SYNE2: variants seen among roughly 807,000 people sequenced by gnomAD.
SYNE2 encodes nesprin-2.
Under a neutral mutation model 856.3 loss-of-function variants are expected in SYNE2, and 431 were observed. That is an observed-to-expected ratio of 0.50 (90% CI 0.47 to 0.55). SYNE2 has a LOEUF of 0.55. SYNE2 is among the 20% of genes least tolerant of loss of function. The pLI is 0.00. For synonymous variants in SYNE2, 2,923 were observed against 2,872.3 expected (o/e 1.02, Z -0.56); for missense variants, 8,129 against 8,023.2 (o/e 1.01, Z -0.50).
chr14:63,861,042 C>T (rs1893465237), intron 1 of SYNE2, among the ~76,000 whole-genome samples: 1 of 152,032 alleles, frequency 6.6e-6, no homozygotes, highest in Non-Finnish European at 1.5e-5. Context: ...ATGCATGCTC[C>T]AGACTGTGAA....
chr14:63,798,797 T>A (rs1888018614), intron 1 of SYNE2, among the ~76,000 whole-genome samples: 2 of 152,128 alleles, frequency 1.3e-5, no homozygotes, highest in Admixed American at 1.3e-4. Flanking sequence ...AGAGGTATGA[T>A]TAGAGCAACA....
At chr14:63,892,314 C>T (rs2095151312) in intron 1 of SYNE2, among the ~76,000 whole-genome samples, 1 of 151,924 alleles carries the variant, frequency 6.6e-6, no homozygotes, top group South Asian at 2.1e-4. Context: ...CCATTTTGAC[C>T]ACAGCTCAGA....
In SYNE2 at chr14:64,104,508, G is replaced by C. The variant is rs184623945; in HGVS notation, c.12492+2466G>C. ...TCTGTCGCCCAGGCTGGAGTGCAGT[G>C]GTGCGATCTCAGCTCACTGCAACCT... On this transcript the variant is annotated intron_variant, in intron 64 of 115. Transcript: ENST00000555002. Among the ~76,000 whole-genome samples the C allele has an allele frequency of 1.4e-3, 210 of 146,946 alleles. 1 individual carries two copies. Among genetic ancestry groups the C allele is most frequent in the African/African-American group, 5.0e-3 (198 of 39,552 alleles).
chr14:64,039,940 A>G (rs937276849), intron 45 of SYNE2, among the ~76,000 whole-genome samples: 1 of 152,224 alleles, frequency 6.6e-6, no homozygotes, highest in Non-Finnish European at 1.5e-5. Context: ...GAGAAGGACT[A>G]TGAAGCTTCT....
In SYNE2 at chr14:63,987,128, G is replaced by A. The variant is rs185460231; in HGVS notation, c.2313+511G>A. ...ATTAGCTGGACGTGGTGGCGCGCACGCCTGTAGTCCCAGCTCCTCGGGAGG... is the reference window on the plus strand; with the variant it reads ...ATTAGCTGGACGTGGTGGCGCGCACACCTGTAGTCCCAGCTCCTCGGGAGG... On this transcript the variant is annotated intron_variant, in intron 19 of 115. Coordinates refer to ENST00000555002, the MANE Select transcript of SYNE2 (RefSeq NM_182914.3). Among the ~76,000 whole-genome samples the A allele has an allele frequency of 2.3e-3, 352 of 152,176 alleles. 6 individuals carry two copies. The highest frequency in any genetic ancestry group is 2.5e-3 in the Admixed American group (38 of 15,286).
chr14:64,207,168 G>T (rs1282047896), intron 100 of SYNE2, among the ~76,000 whole-genome samples: 1 of 152,222 alleles, frequency 6.6e-6, no homozygotes, highest in Non-Finnish European at 1.5e-5. Flanking sequence ...TTGTACTCGG[G>T]ATCAGTGTTA....
chr14:64,223,125 T>G, intron 112 of SYNE2, 64 bp from the exon 113 acceptor site: 1 of 1,588,862 alleles, frequency 6.3e-7, no homozygotes, highest in African/African-American at 1.3e-5. Flanking sequence ...GAGAAAAACC[T>G]CCTGTGTCCA....
In SYNE2 at chr14:64,101,935, G is replaced by A. The variant is rs761634219; in HGVS notation, c.12385G>A (p.Gly4129Arg). 1 of 1,611,722 alleles carries A rather than the reference G, an allele frequency of 6.2e-7. No homozygotes were observed. The highest frequency in any genetic ancestry group is 1.7e-5 in the Admixed American group (1 of 60,022). ...AACCAATCGTTTACTGTGATAGAAT[G>A]GAGATGAGAAGGCAGAGCCATCGCC... ...VEESSVKSDN[G>R]DEKAEPSPQS... The change falls in exon 64 of 116, where the codon GGA becomes AGA. Residue 4129 changes from glycine to arginine, a missense_variant. Gly to Arg is a moderately radical substitution (Grantham distance 125). This residue lies in a region of SYNE2 where 5,410 missense variants were observed against 5,284.8 expected (regional missense o/e 1.02). Coordinates refer to ENST00000555002, the MANE Select transcript of SYNE2 (RefSeq NM_182914.3).
intron 6 of SYNE2, among the ~76,000 whole-genome samples, chr14:63,947,730 G>C (rs1175869236): frequency 6.6e-6 from 1 of 152,086 alleles, no homozygotes; most frequent in Non-Finnish European, 1.5e-5. Flanking sequence ...CCAGCTACTC[G>C]AGAGGCTGAG....
rs1378519059 is a variant in SYNE2 at position 64,003,318 on chromosome 14, C to T, written c.4385C>T (p.Ala1462Val). 1 of 1,614,108 alleles carries T rather than the reference C, an allele frequency of 6.2e-7. No homozygotes were observed. The highest frequency in any genetic ancestry group is 1.1e-5 in the South Asian group (1 of 91,074). The stretch of plus-strand genomic sequence containing the variant: ...GGTCTTAAGGATCCTACTGTTCCAG[C>T]TGTGAAACATCGGTAAGTATTGTCC... Reference protein sequence around the residue: ...KIGLKDPTVPAVKHRKKSLIR... With the variant: ...KIGLKDPTVPVVKHRKKSLIR... Residue 1462 changes from alanine (A) to valine (V), a missense_variant, in exon 30 of 116, where the codon GCT (alanine) becomes GTT (valine). Physicochemically the swap from Ala to Val is moderately conservative, Grantham distance 64 (BLOSUM62 0). This residue lies in a region of SYNE2 where 2,422 missense variants were observed against 2,357.4 expected (regional missense o/e 1.03). Transcript: ENST00000555002.
At chr14:64,160,832 A>G (rs1486328859) in intron 87 of SYNE2, among the ~76,000 whole-genome samples, 2 of 152,224 alleles carry the variant, frequency 1.3e-5, no homozygotes, top group Non-Finnish European at 2.9e-5. Flanking sequence ...CTTGAAATAC[A>G]GAAAAAAAGC....
chr14:63,941,921 A>G lies in SYNE2; in HGVS notation c.274A>G (p.Ile92Val), dbSNP rs934119970. Residue 92 changes from isoleucine (I) to valine (V), a missense_variant, in exon 5 of 116, where the codon ATC becomes GTC. Around this residue, in one of 3 missense-constraint regions of SYNE2, gnomAD observed 2,422 missense variants for 2,357.4 expected, o/e 1.03. Transcript: ENST00000555002. Reference protein sequence around the residue: ...DKGSNTFQCRINIEHALTFLR... With the variant: ...DKGSNTFQCRVNIEHALTFLR... Reference sequence around the variant, plus strand: ...AGGATCTAATACCTTCCAGTGTAGAATCAATATAGAACATGCCTTGACATT... The same window carrying G: ...AGGATCTAATACCTTCCAGTGTAGAGTCAATATAGAACATGCCTTGACATT... 3 of 1,613,354 alleles carry G rather than the reference A, an allele frequency of 1.9e-6. No homozygotes were observed. Among genetic ancestry groups the G allele is most frequent in the Non-Finnish European group, 2.5e-6 (3 of 1,179,962 alleles).
At chr14:63,979,115 A>G in intron 14 of SYNE2, 101 bp downstream of exon 14, 1 of 1,224,814 alleles carries the variant, frequency 8.2e-7, no homozygotes, top group Non-Finnish European at 1.2e-6. Flanking sequence ...TCGGGTTTTG[A>G]GATGGGTTTT....
intron 57 of SYNE2, chr14:64,087,393 C>G (rs774360682): frequency 3.4e-6 from 2 of 596,134 alleles, no homozygotes; most frequent in Non-Finnish European, 6.6e-6. Context: ...TAATAAAAGA[C>G]ACTTCTCTCT....
At chr14:63,764,353 C>T (rs750037921) in intron 1 of SYNE2, among the ~76,000 whole-genome samples, 1 of 152,148 alleles carries the variant, frequency 6.6e-6, no homozygotes. Context: ...GAGGGATGAA[C>T]AGCTGAGGCT....
chr14:63,767,111 CTTT>C (rs11374988), intron 1 of SYNE2, among the ~76,000 whole-genome samples: 1 of 144,202 alleles, frequency 6.9e-6, no homozygotes, highest in African/African-American at 2.5e-5. Flanking sequence ...TTTTTTTTAT[CTTT>C]TTTTTTTTTT....
chr14:64,032,152 A>C (rs773197884), intron 45 of SYNE2, among the ~76,000 whole-genome samples: 30 of 152,364 alleles, frequency 2.0e-4, no homozygotes, highest in Admixed American at 5.2e-4. Context: ...GTAGAATAGA[A>C]ATGCATGGAA....
At chr14:63,965,028 C>T (rs2096372042) in intron 10 of SYNE2, among the ~76,000 whole-genome samples, 1 of 146,722 alleles carries the variant, frequency 6.8e-6, no homozygotes, top group Non-Finnish European at 1.5e-5. Context: ...AGTGGTGTGA[C>T]CTTGGCTCAC....
rs1374703319 is a variant in SYNE2 at position 64,100,527 on chromosome 14, AAAAAATATATATATAT to A, written c.12382-1403_12382-1388del. Among the ~76,000 whole-genome samples the A allele has an allele frequency of 2.7e-4, 18 of 66,226 alleles. 1 individual carries two copies. In the East Asian group the frequency reaches 3.9e-3, roughly 15 times the overall value. The allele number at this position is 66,226 out of a possible 152,430, so 43.4% of individuals were successfully genotyped here. A position where few individuals can be genotyped will look rare whatever the true frequency, so the allele number is the denominator to read the frequency against. ...GCAAAACTGTCTCAAAAAAAAAAAA[AAAAAATATATATATAT>A]ATATATATATATATATATATATATA... On this transcript the variant is annotated intron_variant, in intron 63 of 115. Transcript: ENST00000555002.
Sources: gnomAD v4.1 joint callset for allele counts (sites outside exome capture counted in the v4.1 genomes callset) on GRCh38, gnomAD v4.1.1 for gene constraint, gnomAD v4.1.1 regional missense constraint, MANE v1.5 for transcripts, NCBI Gene and HGNC (gene_info 2026-07-23, HGNC 2026-07-21) for gene names.